Variants in ITIH6 observed in about 807,000 individuals in gnomAD.
ITIH6 encodes inter-alpha-trypsin inhibitor heavy chain family member 6.
ITIH6 carries 60 observed loss-of-function variants against 58.2 expected under a neutral mutation model. The observed-to-expected ratio is 1.03, with a 90% CI of 0.84 to 1.28. The LOEUF (loss-of-function observed/expected upper bound fraction) is 1.28. Among genes scored for constraint, ITIH6 ranks in the 50% most tolerant of loss-of-function variants. The pLI, the probability that ITIH6 is intolerant of heterozygous loss-of-function variation, is 0.00. For synonymous variants in ITIH6, 493 were observed against 417.4 expected, an observed-to-expected ratio of 1.18 and a Z score of -2.21; for missense variants, 1,290 against 1,021.1, an observed-to-expected ratio of 1.26 and a Z score of -3.59.
Position 54,749,830 on chromosome X carries a change from C to T in ITIH6, c.*65G>A. On this transcript the variant is annotated 3_prime_UTR_variant, in exon 13 of 13. Coordinates refer to ENST00000218436, the MANE Select transcript of ITIH6 (RefSeq NM_198510.3). The stretch of plus-strand genomic sequence containing the variant: ...TGTCCTTGGGTCTCTGTCCCTGGCT[C>T]ACCCCATGCCCTGGTTTCTGGATCT... 1.0e-6 allele frequency: 1 copy of T among 978,900 alleles called. No homozygotes were observed. The highest frequency in any genetic ancestry group is 2.7e-5 in the Admixed American group (1 of 36,977). 80.7% of individuals were successfully genotyped at this position (978,900 alleles called of 1,213,427 possible).
chrX:54,795,095 T>C (rs1267838357), intron 2 of ITIH6, among the ~76,000 whole-genome samples: 10 of 111,854 alleles, frequency 8.9e-5, no homozygotes, highest in Non-Finnish European at 1.5e-4. Flanking sequence ...ATTCTGCCCC[T>C]GTTTGCCTAC....
rs774337565 is a variant in ITIH6 at position 54,792,014 on chromosome X, T to C, written c.280A>G (p.Ile94Val). 3 of 1,203,582 alleles carry C rather than the reference T, an allele frequency of 2.5e-6. No homozygotes were observed. The African/African-American group carries it at 5.3e-5, about 21-fold the overall frequency. The change falls in exon 3 of 13, where the codon ATT (isoleucine) becomes GTT (valine). Residue 94 changes from isoleucine to valine, a missense_variant. Ile to Val is a conservative substitution (Grantham distance 29). Transcript: ENST00000218436. Reference sequence around the variant, plus strand: ...TGGTGCTTCTCTTTGACTTCTGCAATGTAGACTTTATTGTTGATGGTCCTA... The same window carrying C: ...TGGTGCTTCTCTTTGACTTCTGCAACGTAGACTTTATTGTTGATGGTCCTA... ...FTMTINNKVY[I>V]AEVKEKHQAK...
rs144605239 is a variant in ITIH6 at position 54,749,570 on chromosome X, T to C, written c.*325A>G. On this transcript the variant is annotated 3_prime_UTR_variant, in exon 13 of 13. Coordinates refer to ENST00000218436, the MANE Select transcript of ITIH6 (RefSeq NM_198510.3). ...AACTCTGAGAGCCTTGAATATGCCA[T>C]AGGAGTTAGGGAAAGCTGTGAGCAG... 4.6e-6 allele frequency: 1 copy of C among 219,157 alleles called. No homozygotes were observed. Among genetic ancestry groups the C allele is most frequent in the African/African-American group, 2.9e-5 (1 of 34,552 alleles). The allele number at this position is 219,157 out of a possible 1,213,427, so 18.1% of individuals were successfully genotyped here. A position where few individuals can be genotyped will look rare whatever the true frequency, so the allele number is the denominator to read the frequency against.
At chrX:54,754,459 C>T (rs745739567) in intron 9 of ITIH6, among the ~76,000 whole-genome samples, 2 of 111,907 alleles carry the variant, frequency 1.8e-5, no homozygotes, top group Admixed American at 1.9e-4. Flanking sequence ...GACCTAATCA[C>T]GTAAGCCCTT....
intron 6 of ITIH6, among the ~76,000 whole-genome samples, chrX:54,771,615 C>T (rs146312649): frequency 1.2e-3 from 130 of 111,405 alleles, no homozygotes; most frequent in African/African-American, 4.1e-3. Flanking sequence ...CCATTAGTGC[C>T]CACAGCATAT....
chrX:54,768,960 A>G (rs1928872056), intron 6 of ITIH6, among the ~76,000 whole-genome samples: 1 of 109,470 alleles, frequency 9.1e-6, no homozygotes, highest in African/African-American at 3.4e-5. Flanking sequence ...CCTGGATAAT[A>G]TCCTGCAGAG....
chrX:54,753,811 G>A (rs1172876754), intron 10 of ITIH6, 47 bp from the exon 11 acceptor site: 1 of 1,130,769 alleles, frequency 8.8e-7, no homozygotes, highest in Non-Finnish European at 1.2e-6. Flanking sequence ...ATAAATGGAA[G>A]GGAGAGGGAA....
At position 54,757,852 on chromosome X, in the gene ITIH6, G is replaced by C. The variant is rs756864190; in HGVS notation, c.2222C>G (p.Pro741Arg). The stretch of plus-strand genomic sequence containing the variant: ...AGGATTCTGGTGTGATAGAGAGCCG[G>C]GCTTCAGAGGCAACAGAGTACCAGA... Reference protein sequence around the residue: ...SNSGTLLPLKPGSLSHQNPDI... With the variant: ...SNSGTLLPLKRGSLSHQNPDI... The change falls in exon 8 of 13, where the codon CCC becomes CGC. Residue 741 changes from proline to arginine, a missense_variant. By Grantham distance (103) the Pro-to-Arg change is moderately radical (BLOSUM62 -2). Transcript: ENST00000218436. 1.7e-6 allele frequency: 2 copies of C among 1,211,432 alleles called. No individual in the cohort carries two copies. Among genetic ancestry groups the C allele is most frequent in the Admixed American group, 4.3e-5 (2 of 46,009 alleles).
At chrX:54,769,508 T>G (rs1928892375) in intron 6 of ITIH6, among the ~76,000 whole-genome samples, 1 of 106,060 alleles carries the variant, frequency 9.4e-6, no homozygotes, top group African/African-American at 3.5e-5. Flanking sequence ...ATCTTTGTGG[T>G]TTTATCTACT....
chrX:54,765,836 G>C (rs2147607427), intron 6 of ITIH6, among the ~76,000 whole-genome samples: 1 of 109,630 alleles, frequency 9.1e-6, no homozygotes, highest in East Asian at 2.9e-4. Context: ...GATGCCTCCA[G>C]CTTTGTTCTT....
intron 7 of ITIH6, among the ~76,000 whole-genome samples, chrX:54,759,317 T>C (rs945075090): frequency 1.0e-4 from 11 of 110,246 alleles, no homozygotes; most frequent in African/African-American, 1.3e-4. Flanking sequence ...CACCCCCCCC[T>C]CCAACCTTCT....
At position 54,757,324 on chromosome X, in the gene ITIH6, G is replaced by A. The variant is rs755342637; in HGVS notation, c.2750C>T (p.Thr917Ile). The change falls in exon 8 of 13, where the codon ACC becomes ATC. Residue 917 changes from threonine to isoleucine, a missense_variant. Transcript: ENST00000218436. ...TTCTCCAAGGACAGAGGTGGTTGTG[G>A]TACTGCTGGGACCTGTGGAACTTGA... ...TISSSTGPSS[T>I]TTTSVLGEPL... 8 of 1,197,509 alleles carry A rather than the reference G, an allele frequency of 6.7e-6. No individual in the cohort carries two copies. The highest frequency in any genetic ancestry group is 9.0e-6 in the Non-Finnish European group (8 of 888,674).
chrX:54,755,313 GTCCA>G (rs1214204933), intron 8 of ITIH6, among the ~76,000 whole-genome samples: 11 of 111,871 alleles, frequency 9.8e-5, no homozygotes, highest in African/African-American at 3.3e-5. Flanking sequence ...ACATTCATTT[GTCCA>G]TTCATTCATT....
chrX:54,763,061 A>T (rs1308839111), intron 6 of ITIH6, among the ~76,000 whole-genome samples: 1 of 112,125 alleles, frequency 8.9e-6, no homozygotes, highest in Admixed American at 9.5e-5. Context: ...AAGGGATTCA[A>T]ATACACATTT....
rs1382008180 is a variant in ITIH6, at chrX:54,798,134, G to A, written c.77C>T (p.Pro26Leu). The A allele has an allele frequency of 8.4e-7, 1 of 1,188,929 alleles. No homozygotes were observed. Among genetic ancestry groups the A allele is most frequent in the African/African-American group, 1.8e-5 (1 of 56,855 alleles). ...ILLELTYQGP[P>L]VPASSSTKLL... ...CTTTGTGCTTGATGAAGCGGGGACA[G>A]GGGGTCCCTGGTATGTCAGTTCAAG... is the stretch of plus-strand genomic sequence containing the variant. The change falls in exon 1 of 13, where the codon CCT becomes CTT. Residue 26 changes from proline to leucine, a missense_variant. Coordinates refer to ENST00000218436, the MANE Select transcript of ITIH6 (RefSeq NM_198510.3).
At chrX:54,770,791 C>T (rs931404053) in intron 6 of ITIH6, among the ~76,000 whole-genome samples, 9 of 112,233 alleles carry the variant, frequency 8.0e-5, no homozygotes, top group Non-Finnish European at 1.5e-4. Flanking sequence ...ATTCCTTCTC[C>T]AACACTTTTC....
intron 12 of ITIH6, 49 bp from the exon 13 acceptor site, chrX:54,750,155 G>C (rs374171064): frequency 1.2e-5 from 12 of 1,010,603 alleles, no homozygotes; most frequent in Admixed American, 5.2e-5. Flanking sequence ...CTGAGTCCCT[G>C]CTCAGAGATC....
At position 54,753,752 on chromosome X, in the gene ITIH6, G is replaced by A. The variant is rs148146291; in HGVS notation, c.3251C>T (p.Pro1084Leu). 68 of 1,204,268 alleles carry A rather than the reference G, an allele frequency of 5.6e-5. No individual in the cohort carries two copies. In the East Asian group the frequency reaches 8.6e-4, roughly 15 times the overall value. Residue 1084 changes from proline (P) to leucine (L), a missense_variant, in exon 11 of 13, where the codon CCC (proline) becomes CTC (leucine). Transcript: ENST00000218436. ...GTGTGGGATTTGGATCACAAAGTGG[G>A]GGTCCCCGTCCACTGCAAGGCAGAA... ...FTFSSSVDGD[P>L]HFVIQIPHSE...
At position 54,757,355 on chromosome X, in the gene ITIH6, T is replaced by C. The variant is rs1187534093; in HGVS notation, c.2719A>G (p.Thr907Ala). Residue 907 changes from threonine to alanine, a missense_variant, in exon 8 of 13, where the codon ACA becomes GCA. Thr to Ala is a moderately conservative substitution (Grantham distance 58). Coordinates refer to ENST00000218436, the MANE Select transcript of ITIH6 (RefSeq NM_198510.3). ...CTGGGACCTGTGGAACTTGAGATTG[T>C]ATTTGGGAATGTGCTTAGGCTCTCA... ...LPESLSTFPN[T>A]ISSSTGPSST... The C allele has an allele frequency of 8.3e-7, 1 of 1,204,527 alleles. No homozygotes were observed. The highest frequency in any genetic ancestry group is 1.1e-6 in the Non-Finnish European group (1 of 892,652).
Sources: allele counts gnomAD v4.1 joint callset (sites outside exome capture counted in the v4.1 genomes callset), GRCh38; gene constraint gnomAD v4.1.1; transcripts MANE v1.5; gene names NCBI Gene and HGNC (gene_info 2026-07-23, HGNC 2026-07-21).